STEAP4: variants seen among roughly 807,000 people sequenced by gnomAD.
The protein encoded by STEAP4 is STEAP4 metalloreductase, also known as metalloreductase STEAP4.
In STEAP4, 36 loss-of-function variants were observed where a neutral mutation model predicts 43.6. The observed-to-expected ratio is 0.83, with a 90% CI of 0.63 to 1.09. STEAP4 has a LOEUF of 1.09. STEAP4 is among the 50% of genes least tolerant of loss of function. The probability of loss-of-function intolerance (pLI) is 0.00; values close to 1 mark genes in which losing one functional copy is unlikely to be tolerated. For missense variants in STEAP4, 495 were observed against 546.5 expected (o/e 0.91, Z 0.94); for synonymous variants, 191 against 196.7 (o/e 0.97, Z 0.24).
At chr7:88,289,804 A>AAC (rs1852806258) in intron 1 of STEAP4, among the ~76,000 whole-genome samples, 1 of 152,244 alleles carries the variant, frequency 6.6e-6, no homozygotes, top group Admixed American at 6.5e-5. Context: ...AACTTTGTAT[A>AAC]AAAGTGCAGC....
chr7:88,284,459 A>C (rs955036719), intron 1 of STEAP4, among the ~76,000 whole-genome samples, 188 bp from the exon 2 acceptor site: 4 of 152,224 alleles, frequency 2.6e-5, no homozygotes, highest in African/African-American at 9.6e-5. Context: ...GGAAGGAGTA[A>C]AAATTGTCAT....
At chr7:88,281,271 G>A (rs1342333552) in intron 3 of STEAP4, among the ~76,000 whole-genome samples, 192 bp from the exon 4 acceptor site, 5 of 152,130 alleles carry the variant, frequency 3.3e-5, no homozygotes, top group African/African-American at 1.2e-4. Context: ...AAAGTAATTG[G>A]TTCTGTTTGG....
intron 1 of STEAP4, among the ~76,000 whole-genome samples, chr7:88,301,902 A>C (rs998292948): frequency 2.6e-5 from 4 of 152,206 alleles, no homozygotes; most frequent in Non-Finnish European, 5.9e-5. Flanking sequence ...AACGAATTAG[A>C]ATACAAAATA....
chr7:88,305,102 T>G (rs1365948298), intron 1 of STEAP4, among the ~76,000 whole-genome samples: 1 of 152,184 alleles, frequency 6.6e-6, no homozygotes, highest in Non-Finnish European at 1.5e-5. Flanking sequence ...AGTCTGGAAA[T>G]TGTTCTTCAG....
rs1028903710 is a variant in STEAP4, at chr7:88,272,283, G to C, written c.*7115C>G. On this transcript the variant is annotated 3_prime_UTR_variant, in exon 5 of 5. Transcript: ENST00000380079. The stretch of plus-strand genomic sequence containing the variant: ...ATGGGAATAACTCTTAGTTATATCT[G>C]ACACTGTCTTCCAGACTTTCCCAGC... The C allele has an allele frequency of 6.6e-6, 1 of 152,224 alleles. No individual in the cohort carries two copies. The highest frequency in any genetic ancestry group is 6.5e-5 in the Admixed American group (1 of 15,278). 9.4% of individuals were successfully genotyped at this position (152,224 alleles called of 1,614,324 possible).
At chr7:88,280,625 G>T (rs1852601963) in intron 4 of STEAP4, among the ~76,000 whole-genome samples, 1 of 152,134 alleles carries the variant, frequency 6.6e-6, no homozygotes, top group Admixed American at 6.5e-5. Context: ...TGTCCATGTT[G>T]TAAGGTTAAT....
At chr7:88,280,823 G>T in intron 4 of STEAP4, 92 bp downstream of exon 4, 2 of 1,321,546 alleles carry the variant, frequency 1.5e-6, no homozygotes, top group Non-Finnish European at 2.0e-6. Flanking sequence ...TTGTACCTGG[G>T]TTCAACATTT....
At position 88,272,363 on chromosome 7, in the gene STEAP4, T is replaced by C. The variant is rs1403877895; in HGVS notation, c.*7035A>G. ...AACCAGCTTGAAAATTCATACTTTA[T>C]TCCTTCCCTGCTCTGTCTACTTTAC... is the stretch of plus-strand genomic sequence containing the variant. On this transcript the variant is annotated 3_prime_UTR_variant, in exon 5 of 5. Transcript: ENST00000380079. 6.6e-6 allele frequency: 1 copy of C among 152,242 alleles called. No homozygotes were observed. The highest frequency in any genetic ancestry group is 1.5e-5 in the Non-Finnish European group (1 of 68,050). 9.4% of individuals were successfully genotyped at this position (152,242 alleles called of 1,614,324 possible).
chr7:88,285,714 GC>G (rs1852719160), intron 1 of STEAP4, among the ~76,000 whole-genome samples: 1 of 142,688 alleles, frequency 7.0e-6, no homozygotes, highest in Non-Finnish European at 1.5e-5. Context: ...TACTCAGGAG[GC>G]CACAGCACTC....
Position 88,279,564 on chromosome 7 carries a change from C to G in STEAP4, c.1214G>C (p.Arg405Thr), listed in dbSNP as rs546856958. Residue 405 changes from arginine (R) to threonine (T), a missense_variant, in exon 5 of 5, where the codon AGA becomes ACA. Transcript: ENST00000380079. ...TAHTLVYGGK[R>T]FLSPSNLRWY... is the part of the protein sequence containing the mutation. ...TCTGAGATTTGAAGGGCTGAGGAATCTCTTCCCACCGTACACCAGGGTGTG... is the reference window on the plus strand; with the variant it reads ...TCTGAGATTTGAAGGGCTGAGGAATGTCTTCCCACCGTACACCAGGGTGTG... 1 of 1,613,946 alleles carries G rather than the reference C, an allele frequency of 6.2e-7. No homozygotes were observed. The highest frequency in any genetic ancestry group is 1.3e-5 in the African/African-American group (1 of 75,044).
rs1852461617 is a variant in STEAP4, at chr7:88,273,122, GA to G, written c.*6275del. ...AACATTTATCATTTCTTTGTGTTGG[GA>G]ACAGTCAATGTCCTCCTGGCTATTT... is the stretch of plus-strand genomic sequence containing the variant. On this transcript the variant is annotated 3_prime_UTR_variant, in exon 5 of 5. Coordinates refer to ENST00000380079, the MANE Select transcript of STEAP4 (RefSeq NM_024636.4). The G allele has an allele frequency of 6.6e-6, 1 of 152,094 alleles. No individual in the cohort carries two copies. The highest frequency in any genetic ancestry group is 6.6e-5 in the Admixed American group (1 of 15,266). The allele number at this position is 152,094 out of a possible 1,614,324, so 9.4% of individuals were successfully genotyped here. A position where few individuals can be genotyped will look rare whatever the true frequency, so the allele number is the denominator to read the frequency against.
intron 1 of STEAP4, among the ~76,000 whole-genome samples, chr7:88,286,814 C>T (rs924424625): frequency 5.3e-5 from 8 of 149,576 alleles, no homozygotes; most frequent in South Asian, 2.1e-4. Context: ...CACACGCAAA[C>T]AATGTAAGAT....
chr7:88,297,563 C>T (rs953718681), intron 1 of STEAP4, among the ~76,000 whole-genome samples: 1 of 152,086 alleles, frequency 6.6e-6, no homozygotes, highest in African/African-American at 2.4e-5. Context: ...AGTATATCCC[C>T]TGCAATATTT....
intron 3 of STEAP4, 92 bp downstream of exon 3, chr7:88,282,549 A>T: frequency 8.2e-7 from 1 of 1,223,654 alleles, no homozygotes; most frequent in South Asian, 1.5e-5. Context: ...AGATGCTTAG[A>T]AGAGTGACTT....
At position 88,282,663 on chromosome 7, in the gene STEAP4, A is replaced by C. The variant is rs1406265079; in HGVS notation, c.962T>G (p.Leu321Trp). ...TACCTGGGTAACGGTTAAGTTTCCC[A>C]ATCTCCATCGTACATAATATCGAAT... The part of the protein sequence containing the change: ...IPIRYYVRWR[L>W]GNLTVTQAIL... The change falls in exon 3 of 5, where the codon TTG becomes TGG. Residue 321 changes from leucine (L) to tryptophan (W), a missense_variant. Transcript: ENST00000380079. 3.7e-6 allele frequency: 6 copies of C among 1,613,316 alleles called. No homozygotes were observed. The highest frequency in any genetic ancestry group is 4.5e-5 in the East Asian group (2 of 44,858).
intron 1 of STEAP4, among the ~76,000 whole-genome samples, chr7:88,294,182 T>C (rs1345936533): frequency 1.3e-5 from 2 of 152,122 alleles, no homozygotes. Flanking sequence ...CTTTCAGACA[T>C]GATACCACCA....
intron 1 of STEAP4, among the ~76,000 whole-genome samples, chr7:88,303,224 G>A (rs183167250): frequency 1.3e-5 from 2 of 149,186 alleles, no homozygotes; most frequent in Non-Finnish European, 3.0e-5. Context: ...AACCGGGCGC[G>A]GTGGCTCACA....
intron 1 of STEAP4, chr7:88,293,018 C>A (rs1301351163): frequency 5.9e-5 from 9 of 152,106 alleles, no homozygotes; most frequent in African/African-American, 2.2e-4. Flanking sequence ...GTTTTCATTT[C>A]TCTGCGATAA....
rs780089180 is a variant in STEAP4, at chr7:88,282,892, G to A, written c.733C>T (p.Arg245Cys). 14 of 1,614,152 alleles carry A rather than the reference G, an allele frequency of 8.7e-6. No homozygotes were observed. Among genetic ancestry groups the A allele is most frequent in the Admixed American group, 1.7e-5 (1 of 60,008 alleles). Residue 245 changes from arginine (R) to cysteine (C), a missense_variant, in exon 3 of 5, where the codon CGT (arginine) becomes TGT (cysteine). By Grantham distance (180) the Arg-to-Cys change is radical (BLOSUM62 -3). Transcript: ENST00000380079. ...GTAAGTGCTGTTATTGGAAAGATAC[G>A]ATTTGGAATGGAAATAGCCATACGA... is the stretch of plus-strand genomic sequence containing the variant. ...TFRMAISIPN[R>C]IFPITALTLL... is the part of the protein sequence containing the mutation.
Sources: gnomAD v4.1 joint callset for allele counts (sites outside exome capture counted in the v4.1 genomes callset) on GRCh38, gnomAD v4.1.1 for gene constraint, MANE v1.5 for transcripts, NCBI Gene and HGNC (gene_info 2026-07-23, HGNC 2026-07-21) for gene names.